The following CCDC125 variants were observed in gnomAD, a reference collection of about 807,000 sequenced individuals.
CCDC125 encodes coiled-coil domain containing 125.
CCDC125 carries 43 observed loss-of-function variants against 57.4 expected under a neutral mutation model. The ratio of observed to expected loss-of-function variants is 0.75; its 90% confidence interval spans 0.59 to 0.97. CCDC125 has a LOEUF of 0.97. Among genes scored for constraint, CCDC125 ranks in the 50% least tolerant of loss-of-function variants. CCDC125 has a pLI of 0.00. For missense variants in CCDC125, 563 were observed against 595.7 expected (o/e 0.95, Z 0.57); for synonymous variants, 187 against 195.2 (o/e 0.96, Z 0.35).
At chr5:69,300,882 C>CT (rs900247991) in intron 7 of CCDC125, among the ~76,000 whole-genome samples, 2 of 151,724 alleles carry the variant, frequency 1.3e-5, no homozygotes, top group Admixed American at 6.6e-5. Context: ...TTCTTTTCTT[C>CT]TTTTTTTCCT....
Position 69,320,367 on chromosome 5 carries a change from GCTAA to G in CCDC125, c.170_173del (p.Phe57SerfsTer45). ...CTCCCTTTCTCGGAAATGGAGGAGGGCTAAAGTTCTTTCCATCTGATCTTTTTCT... is the reference window on the plus strand; with the variant it reads ...CTCCCTTTCTCGGAAATGGAGGAGGGAGTTCTTTCCATCTGATCTTTTTCT... On this transcript the variant is annotated frameshift_variant, in exon 2 of 12. Transcript: ENST00000396496. LOFTEE classifies it high-confidence loss of function. 1 of 1,614,004 alleles carries G rather than the reference GCTAA, an allele frequency of 6.2e-7. No individual in the cohort carries two copies. Among genetic ancestry groups the G allele is most frequent in the Non-Finnish European group, 8.5e-7 (1 of 1,179,950 alleles).
intron 10 of CCDC125, among the ~76,000 whole-genome samples, chr5:69,288,638 G>A (rs1352685244): frequency 6.6e-6 from 1 of 152,150 alleles, no homozygotes; most frequent in Admixed American, 6.5e-5. Flanking sequence ...GTTCTGTGAG[G>A]CATCCTAGCA....
At chr5:69,283,991 G>A (rs926286342) in intron 11 of CCDC125, among the ~76,000 whole-genome samples, 5 of 149,708 alleles carry the variant, frequency 3.3e-5, no homozygotes, top group African/African-American at 4.9e-5. Context: ...CAGTTTCACC[G>A]TGTTAGTCAG....
rs148239448 is a variant in CCDC125, at chr5:69,307,992, C to T, written c.490G>A (p.Val164Met). 1.9e-4 allele frequency: 307 copies of T among 1,613,936 alleles called. No homozygotes were observed. Among genetic ancestry groups the T allele is most frequent in the Non-Finnish European group, 2.5e-4 (297 of 1,179,956 alleles). The change falls in exon 5 of 12, where the codon GTG becomes ATG. Residue 164 changes from valine to methionine, a missense_variant. Val to Met is a conservative substitution (Grantham distance 21). Transcript: ENST00000396496. Reference protein sequence around the residue: ...LGKATSHTQAVLQKTMEQNRS... With the variant: ...LGKATSHTQAMLQKTMEQNRS... ...TTTTGTTCCATAGTTTTTTGAAGCA[C>T]TGCCTGCGTATGACTTGTGGCTTTG...
At chr5:69,290,891 A>G (rs1754345904) in intron 10 of CCDC125, among the ~76,000 whole-genome samples, 1 of 152,000 alleles carries the variant, frequency 6.6e-6, no homozygotes, top group South Asian at 2.1e-4. Context: ...CGGCCTCCCA[A>G]AGTGCTGGGA....
At chr5:69,289,080 G>C (rs1000308433) in intron 10 of CCDC125, among the ~76,000 whole-genome samples, 1 of 152,204 alleles carries the variant, frequency 6.6e-6, no homozygotes, top group Non-Finnish European at 1.5e-5. Flanking sequence ...TAATGGCCAA[G>C]CTCCACACAG....
At chr5:69,285,087 T>C (rs1753096293) in intron 11 of CCDC125, among the ~76,000 whole-genome samples, 1 of 151,468 alleles carries the variant, frequency 6.6e-6, no homozygotes, top group Non-Finnish European at 1.5e-5. Context: ...ACAGAGACTC[T>C]GTCTCAAAAA....
At chr5:69,283,410 C>CA (rs1173206252) in intron 11 of CCDC125, among the ~76,000 whole-genome samples, 1 of 151,850 alleles carries the variant, frequency 6.6e-6, no homozygotes, top group Non-Finnish European at 1.5e-5. Context: ...TTAGTAGAGA[C>CA]GGGGTTTCAC....
chr5:69,295,946 C>T (rs1045991210), intron 8 of CCDC125, among the ~76,000 whole-genome samples: 16 of 150,538 alleles, frequency 1.1e-4, no homozygotes, highest in Middle Eastern at 3.5e-3. Context: ...TGCAGTGGCG[C>T]GATCTCGGCT....
At position 69,320,503 on chromosome 5, in the gene CCDC125, A is replaced by C. The variant is rs746155474; in HGVS notation, c.38T>G (p.Val13Gly). 1 of 1,613,314 alleles carries C rather than the reference A, an allele frequency of 6.2e-7. No individual in the cohort carries two copies. Among genetic ancestry groups the C allele is most frequent in the Non-Finnish European group, 8.5e-7 (1 of 1,179,706 alleles). Residue 13 changes from valine (V) to glycine (G), a missense_variant, in exon 2 of 12, where the codon GTG (valine) becomes GGG (glycine). Physicochemically the swap from Val to Gly is moderately radical, Grantham distance 109. Transcript: ENST00000396496. ...ATCCTCTTCTGTTTCCCAGAGCTGC[A>C]CGTCTGACTCACTTGATGATCTTGC... ...KVARSSSESD[V>G]QLWETEEDDM...
At position 69,305,955 on chromosome 5, in the gene CCDC125, T is replaced by A. The variant is rs541450021; in HGVS notation, c.617+862A>T. On this transcript the variant is annotated intron_variant, in intron 6 of 11. Coordinates refer to ENST00000396496, the MANE Select transcript of CCDC125 (RefSeq NM_176816.5). ...AGCCACCATACCCAACTGAAATGACTGACTTTATAGTAAGTGTATAATTTA... is the reference window on the plus strand; with the variant it reads ...AGCCACCATACCCAACTGAAATGACAGACTTTATAGTAAGTGTATAATTTA... 6.6e-5 allele frequency among the ~76,000 whole-genome samples: 10 copies of A among 152,352 alleles called. No individual in the cohort carries two copies. In the South Asian group the frequency reaches 2.1e-3, roughly 32 times the overall value.
chr5:69,286,459 C>G (rs1753491436), intron 10 of CCDC125, among the ~76,000 whole-genome samples: 3 of 151,460 alleles, frequency 2.0e-5, no homozygotes, highest in South Asian at 4.2e-4. Flanking sequence ...GTCTCGATCT[C>G]CTGACCTCAT....
At chr5:69,295,030 G>A in intron 8 of CCDC125, 130 bp from the exon 9 acceptor site, 20 of 593,160 alleles carry the variant, frequency 3.4e-5, no homozygotes, top group South Asian at 1.9e-4. Context: ...AAACTGGAAA[G>A]GAAAAACAAA....
chr5:69,314,122 TTTACAAA>T, intron 2 of CCDC125, 76 bp from the exon 3 acceptor site: 1 of 1,030,140 alleles, frequency 9.7e-7, no homozygotes, highest in Non-Finnish European at 1.5e-6. Flanking sequence ...AGGACATTTG[TTTACAAA>T]TTACCAAATA....
At chr5:69,322,330 T>A (rs1347797828) in intron 1 of CCDC125, among the ~76,000 whole-genome samples, 1 of 152,048 alleles carries the variant, frequency 6.6e-6, no homozygotes, top group Admixed American at 6.6e-5. Context: ...GTTTAGTAAC[T>A]GAATAAAGGA....
intron 9 of CCDC125, chr5:69,294,012 C>T (rs1411879527): frequency 4.1e-6 from 1 of 246,108 alleles, no homozygotes; most frequent in East Asian, 1.8e-4. Context: ...AAAACTAAGA[C>T]CTACCCCGTC....
At chr5:69,305,450 T>G (rs922437603) in intron 6 of CCDC125, among the ~76,000 whole-genome samples, 4 of 152,140 alleles carry the variant, frequency 2.6e-5, no homozygotes, top group African/African-American at 9.7e-5. Context: ...TGGCCTCAAG[T>G]GATCCACCTG....
At chr5:69,277,791 G>A (rs1170305912), downstream of CCDC125, among the ~76,000 whole-genome samples, 2 of 151,350 alleles carry the variant, frequency 1.3e-5, no homozygotes, top group Non-Finnish European at 2.9e-5. Flanking sequence ...AAATGTAGTA[G>A]TGGTGTAGTA....
chr5:69,297,046 T>C (rs1441708112), intron 8 of CCDC125, among the ~76,000 whole-genome samples: 1 of 152,164 alleles, frequency 6.6e-6, no homozygotes, highest in Non-Finnish European at 1.5e-5. Context: ...CAACATAGCG[T>C]GCCATATATT....
Sources: allele counts gnomAD v4.1 joint callset (sites outside exome capture counted in the v4.1 genomes callset), GRCh38; gene constraint gnomAD v4.1.1; transcripts MANE v1.5; gene names NCBI Gene and HGNC (gene_info 2026-07-23, HGNC 2026-07-21).